PI4KB: variants seen among roughly 807,000 people sequenced by gnomAD.
PI4KB encodes phosphatidylinositol 4-kinase beta, also known as PtdIns 4-kinase beta.
PI4KB carries 23 observed loss-of-function variants against 81.4 expected under a neutral mutation model. That is an observed-to-expected ratio of 0.28 (90% CI 0.20 to 0.40). PI4KB has a LOEUF of 0.40. PI4KB is among the 10% of genes least tolerant of loss of function. The probability of loss-of-function intolerance (pLI) is 1.00; values close to 1 mark genes in which losing one functional copy is unlikely to be tolerated. For synonymous variants in PI4KB, 381 were observed against 406.8 expected (o/e 0.94, Z 0.76); for missense variants, 651 against 1,036.6 (o/e 0.63, Z 5.11).
In PI4KB at chr1:151,315,564, G is replaced by C; in HGVS notation, c.909+9C>G. 1 of 1,609,162 alleles carries C rather than the reference G, an allele frequency of 6.2e-7. No homozygotes were observed. The highest frequency in any genetic ancestry group is 8.5e-7 in the Non-Finnish European group (1 of 1,175,920). The stretch of plus-strand genomic sequence containing the variant: ...CACCTTTTGTCTCTGGCCCTCCCCA[G>C]AATTTTACCTCATCCTCATTCTCCA... On this transcript the variant is annotated intron_variant, in intron 2 of 11. Coordinates refer to ENST00000368873, the MANE Select transcript of PI4KB (RefSeq NM_001369623.2).
chr1:151,297,082 G>A (rs1372607224), intron 9 of PI4KB, among the ~76,000 whole-genome samples: 2 of 152,130 alleles, frequency 1.3e-5, no homozygotes, highest in East Asian at 3.9e-4. Flanking sequence ...CAGCCTAGAT[G>A]CTACATTTCT....
chr1:151,297,539 AT>A (rs1181584273), intron 9 of PI4KB, among the ~76,000 whole-genome samples: 403 of 140,524 alleles, frequency 2.9e-3, no homozygotes, highest in Admixed American at 3.3e-3. Flanking sequence ...ATATATATAA[AT>A]TTTTTTTTTT....
At chr1:151,314,492 T>C (rs1256294769) in intron 2 of PI4KB, among the ~76,000 whole-genome samples, 2 of 152,238 alleles carry the variant, frequency 1.3e-5, no homozygotes, top group Non-Finnish European at 2.9e-5. Flanking sequence ...TTCCCTGCTC[T>C]ATATCCTAAG....
At position 151,313,703 on chromosome 1, in the gene PI4KB, C is replaced by T. The variant is rs111462246; in HGVS notation, c.909+1870G>A. 3.7e-3 allele frequency among the ~76,000 whole-genome samples: 566 copies of T among 152,358 alleles called. 2 individuals carry two copies. The highest frequency in any genetic ancestry group is 5.6e-3 in the Non-Finnish European group (383 of 68,034). ...TGCCAAGCTCAACCAGATATGAAAA[C>T]GGTTCATTCTAGTTCTGACAACAGT... On this transcript the variant is annotated intron_variant, in intron 2 of 11. Transcript: ENST00000368873.
chr1:151,303,768 C>T (rs986706857), intron 5 of PI4KB, 118 bp from the exon 6 acceptor site: 2 of 734,410 alleles, frequency 2.7e-6, no homozygotes, highest in African/African-American at 3.4e-5. Flanking sequence ...TCTGCTTACA[C>T]ACCATGTTGG....
At chr1:151,324,236 C>T (rs915065871) in intron 1 of PI4KB, among the ~76,000 whole-genome samples, 8 of 152,158 alleles carry the variant, frequency 5.3e-5, no homozygotes, top group East Asian at 1.9e-4. Flanking sequence ...GCTGGGATTA[C>T]GGGCATGAGC....
chr1:151,298,774 A>G, intron 9 of PI4KB, 34 bp downstream of exon 9: 2 of 1,599,144 alleles, frequency 1.3e-6, no homozygotes, highest in Non-Finnish European at 8.6e-7. Flanking sequence ...AGAACCCTGG[A>G]GAAATGTTAG....
In PI4KB at chr1:151,307,694, T is replaced by C; in HGVS notation, c.1062A>G (p.Ser354=). 6.2e-7 allele frequency: 1 copy of C among 1,614,026 alleles called. No individual in the cohort carries two copies. The change falls in exon 4 of 12, where the codon TCA becomes TCG. Residue 354 remains serine (S), a synonymous_variant. Transcript: ENST00000368873. The part of the protein sequence containing the change: ...TKEQKTQRLI[S]ELSLLNHKLP... ...GCTTATGGTTGAGCAGGGAGAGCTC[T>C]GAGATCAGCCTCTGTGTTTTCTGCT...
At chr1:151,316,607 T>G in intron 1 of PI4KB, 98 bp from the exon 2 acceptor site, 1 of 755,572 alleles carries the variant, frequency 1.3e-6, no homozygotes. Flanking sequence ...TATGACACCT[T>G]CCCAGGCACC....
chr1:151,303,922 T>C (rs1695514500), intron 5 of PI4KB, among the ~76,000 whole-genome samples: 1 of 152,192 alleles, frequency 6.6e-6, no homozygotes, highest in Non-Finnish European at 1.5e-5. Context: ...TCTGAATTTT[T>C]AACAAGTTCT....
intron 2 of PI4KB, among the ~76,000 whole-genome samples, chr1:151,312,267 G>A (rs1015602241): frequency 2.6e-5 from 4 of 152,186 alleles, no homozygotes; most frequent in African/African-American, 4.8e-5. Flanking sequence ...TTTGAGGCCC[G>A]ACCTCATCCT....
chr1:151,293,634 G>C (rs141230955), intron 11 of PI4KB: 129 of 315,058 alleles, frequency 4.1e-4, no homozygotes, highest in African/African-American at 2.9e-3. Context: ...ATACTTCTCA[G>C]AGCTGAAGGG....
chr1:151,310,164 G>C, intron 3 of PI4KB, 47 bp downstream of exon 3: 1 of 1,402,900 alleles, frequency 7.1e-7, no homozygotes. Context: ...GAGGAAATGC[G>C]GCCACTGGGG....
Position 151,292,702 on chromosome 1 carries a change from G to T in PI4KB, c.*150C>A, listed in dbSNP as rs587673929. 25 of 730,952 alleles carry T rather than the reference G, an allele frequency of 3.4e-5. No homozygotes were observed. The Admixed American group carries it at 7.0e-4, about 20-fold the overall frequency. 45.3% of individuals were successfully genotyped at this position (730,952 alleles called of 1,614,324 possible). A position where few individuals can be genotyped will look rare whatever the true frequency, so the allele number is the denominator to read the frequency against. ...TCCCACCCCTCAGCAAGCTCTCGCA[G>T]TTACCACATGATCCTTCGTGTTTCT... is the stretch of plus-strand genomic sequence containing the variant. On this transcript the variant is annotated 3_prime_UTR_variant, in exon 12 of 12. Coordinates refer to ENST00000368873, the MANE Select transcript of PI4KB (RefSeq NM_001369623.2).
In PI4KB at chr1:151,292,634, G is replaced by C; in HGVS notation, c.*218C>G. 1 of 574,282 alleles carries C rather than the reference G, an allele frequency of 1.7e-6. No individual in the cohort carries two copies. The highest frequency in any genetic ancestry group is 3.1e-6 in the Non-Finnish European group (1 of 321,782). 35.6% of individuals were successfully genotyped at this position (574,282 alleles called of 1,614,324 possible). ...GTGGTAATACTGACACAGACCAGGA[G>C]GGGCAGGGAAGCCCCAACAAGTCTG... is the stretch of plus-strand genomic sequence containing the variant. On this transcript the variant is annotated 3_prime_UTR_variant, in exon 12 of 12. Coordinates refer to ENST00000368873, the MANE Select transcript of PI4KB (RefSeq NM_001369623.2).
intron 6 of PI4KB, among the ~76,000 whole-genome samples, chr1:151,302,608 C>T (rs750322403): frequency 4.2e-5 from 6 of 142,886 alleles, no homozygotes; most frequent in African/African-American, 1.3e-4. Context: ...ATAAGAATCT[C>T]GCTGTGTCTC....
chr1:151,293,909 C>T, intron 11 of PI4KB, 109 bp downstream of exon 11: 3 of 1,229,962 alleles, frequency 2.4e-6, no homozygotes, highest in Non-Finnish European at 3.4e-6. Context: ...TCTCTGGGAA[C>T]CCCCCTCCCT....
At chr1:151,316,560 A>C in intron 1 of PI4KB, 51 bp from the exon 2 acceptor site, 1 of 1,324,454 alleles carries the variant, frequency 7.6e-7, no homozygotes, top group Non-Finnish European at 1.0e-6. Flanking sequence ...ACATACACAC[A>C]TTGGTTAGTG....
intron 6 of PI4KB, 54 bp downstream of exon 6, chr1:151,303,486 TG>T: frequency 9.9e-7 from 1 of 1,013,862 alleles, no homozygotes; most frequent in Non-Finnish European, 1.6e-6. Context: ...AACAAAGAGA[TG>T]GGAAGTTCCT....
Sources: allele counts gnomAD v4.1 joint callset (sites outside exome capture counted in the v4.1 genomes callset), GRCh38; gene constraint gnomAD v4.1.1; transcripts MANE v1.5; gene names NCBI Gene and HGNC (gene_info 2026-07-23, HGNC 2026-07-21).